Variants in RFC1 observed in about 807,000 individuals in gnomAD.
The protein encoded by RFC1 is A1 140 kDa subunit.
Under a neutral mutation model 137.4 loss-of-function variants are expected in RFC1, and 37 were observed. The observed-to-expected ratio is 0.27, with a 90% CI of 0.21 to 0.35. The LOEUF (loss-of-function observed/expected upper bound fraction) is 0.35. Ranked by LOEUF, RFC1 falls within the 10% of genes least tolerant of loss-of-function variation. The probability of loss-of-function intolerance (pLI) is 1.00; values close to 1 mark genes in which losing one functional copy is unlikely to be tolerated. For missense variants in RFC1, 1,205 were observed against 1,358.5 expected, an observed-to-expected ratio of 0.89 and a Z score of 1.78; for synonymous variants, 429 against 455.7, an observed-to-expected ratio of 0.94 and a Z score of 0.75.
At chr4:39,360,544 TA>T (rs758741316) in intron 1 of RFC1, among the ~76,000 whole-genome samples, 20 of 145,526 alleles carry the variant, frequency 1.4e-4, no homozygotes, top group Non-Finnish European at 2.9e-4. Flanking sequence ...TAAAATAAAA[TA>T]AAATAAAATA....
At chr4:39,359,979 T>C (rs912173417) in intron 1 of RFC1, among the ~76,000 whole-genome samples, 1 of 151,968 alleles carries the variant, frequency 6.6e-6, no homozygotes, top group African/African-American at 2.4e-5. Flanking sequence ...AACTTACTCA[T>C]GTAACCAAAT....
chr4:39,351,969 A>G (rs1303497656), intron 1 of RFC1, among the ~76,000 whole-genome samples: 1 of 150,664 alleles, frequency 6.6e-6, no homozygotes, highest in Non-Finnish European at 1.5e-5. Flanking sequence ...TCCGTCTCAA[A>G]AAAAAAAAAA....
intron 2 of RFC1, among the ~76,000 whole-genome samples, chr4:39,348,512 G>A (rs1560620319): frequency 6.9e-6 from 1 of 145,690 alleles, no homozygotes; most frequent in Non-Finnish European, 1.5e-5. Flanking sequence ...TAGCAACGGT[G>A]TAGCTGGAGT....
chr4:39,331,153 T>A (rs1389162671), intron 4 of RFC1, among the ~76,000 whole-genome samples: 1 of 152,208 alleles, frequency 6.6e-6, no homozygotes, highest in Non-Finnish European at 1.5e-5. Context: ...CAAATTTTTT[T>A]AATACTTGAC....
chr4:39,288,743 C>T lies in RFC1; in HGVS notation c.*18G>A, dbSNP rs1737504344. The stretch of plus-strand genomic sequence containing the variant: ...AGGAGGGAGAGTAAAAAGTGGCTGT[C>T]GCTAGTGAAAAATGGTTTCATTTCT... On this transcript the variant is annotated 3_prime_UTR_variant, in exon 25 of 25. Transcript: ENST00000349703. 6.5e-7 allele frequency: 1 copy of T among 1,540,844 alleles called. No homozygotes were observed. The highest frequency in any genetic ancestry group is 2.2e-5 in the East Asian group (1 of 44,502).
At chr4:39,303,397 T>G (rs1477399552) in intron 15 of RFC1, among the ~76,000 whole-genome samples, 1 of 152,072 alleles carries the variant, frequency 6.6e-6, no homozygotes, top group East Asian at 1.9e-4. Flanking sequence ...CAACAGTCTC[T>G]TATATGTCCT....
intron 22 of RFC1, among the ~76,000 whole-genome samples, chr4:39,292,610 T>C (rs1434242079): frequency 6.9e-6 from 1 of 145,758 alleles, no homozygotes; most frequent in African/African-American, 2.5e-5. Context: ...CATTTATATG[T>C]ATACATTATT....
rs761451255 is a variant in RFC1 at position 39,300,301 on chromosome 4, G to A, written c.2649C>T (p.Phe883=). The A allele has an allele frequency of 5.6e-6, 9 of 1,614,116 alleles. No individual in the cohort carries two copies. The highest frequency in any genetic ancestry group is 1.1e-5 in the South Asian group (1 of 91,088). Reference sequence around the variant, plus strand: ...TCACGTGTATGTAATTTTCCTGGACGAAGAGGGGTGCTATTGAATAATCAT... The same window carrying A: ...TCACGTGTATGTAATTTTCCTGGACAAAGAGGGGTGCTATTGAATAATCAT... ...FFHDYSIAPL[F]VQENYIHVKP... Residue 883 remains phenylalanine, a synonymous_variant, in exon 20 of 25, where the codon TTC becomes TTT. Transcript: ENST00000349703.
chr4:39,288,855 G>A lies in RFC1; in HGVS notation c.3361-11C>T, dbSNP rs779363679. On this transcript the variant is annotated splice_polypyrimidine_tract_variant and intron_variant, in intron 24 of 24. Transcript: ENST00000349703. ...AGATTTTGTCTTTTTCTGTTAGGGG[G>A]AAGATAACAAAATAGTTAATAGCTG... 1.3e-6 allele frequency: 2 copies of A among 1,543,634 alleles called. No homozygotes were observed. The highest frequency in any genetic ancestry group is 2.2e-5 in the East Asian group (1 of 44,506).
intron 3 of RFC1, among the ~76,000 whole-genome samples, chr4:39,344,691 G>A (rs575800685): frequency 9.2e-5 from 14 of 152,148 alleles, no homozygotes; most frequent in African/African-American, 3.4e-4. Flanking sequence ...TGGCCAAAGC[G>A]CAAGAATCGC....
chr4:39,317,258 T>C (rs1327062240), intron 9 of RFC1, among the ~76,000 whole-genome samples: 1 of 152,142 alleles, frequency 6.6e-6, no homozygotes, highest in Non-Finnish European at 1.5e-5. Flanking sequence ...TCAGGGCAGA[T>C]TATGGGAATA....
chr4:39,340,208 A>G (rs905598368), intron 4 of RFC1, among the ~76,000 whole-genome samples: 1 of 152,196 alleles, frequency 6.6e-6, no homozygotes, highest in Non-Finnish European at 1.5e-5. Context: ...CAATAGAACC[A>G]AAGGTTGTTT....
intron 21 of RFC1, among the ~76,000 whole-genome samples, chr4:39,298,607 G>A (rs1738163190): frequency 6.6e-6 from 1 of 152,120 alleles, no homozygotes; most frequent in Non-Finnish European, 1.5e-5. Context: ...GAATGCATCA[G>A]AGACATGGCT....
At chr4:39,294,906 A>G (rs566428192) in intron 22 of RFC1, among the ~76,000 whole-genome samples, 162 of 152,226 alleles carry the variant, frequency 1.1e-3, no homozygotes, top group African/African-American at 3.7e-3. Flanking sequence ...CAGGAGGCTG[A>G]GGTGGGAGAA....
At chr4:39,290,921 A>G (rs1737642256) in intron 23 of RFC1, among the ~76,000 whole-genome samples, 1 of 152,192 alleles carries the variant, frequency 6.6e-6, no homozygotes, top group South Asian at 2.1e-4. Context: ...ACTTCAAAAT[A>G]CTAAGTAACT....
In RFC1 at chr4:39,348,433, A is replaced by ACAGGACAGGACAG. The variant is rs1560619890; in HGVS notation, c.132+2914_132+2915insCTGTCCTGTCCTG. Among the ~76,000 whole-genome samples the ACAGGACAGGACAG allele has an allele frequency of 5.9e-5, 5 of 84,956 alleles. No homozygotes were observed. The East Asian group carries it at 1.6e-3, about 28-fold the overall frequency. 55.7% of individuals were successfully genotyped at this position (84,956 alleles called of 152,430 possible). ...GCAAGACTCTGTTTCAAAAAAGAAA[A>ACAGGACAGGACAG]GAAAAGAAAAGAAAAGAAAAGAAAA... On this transcript the variant is annotated intron_variant, in intron 2 of 24. Transcript: ENST00000349703.
In RFC1 at chr4:39,289,958, G is replaced by A. The variant is rs746091232; in HGVS notation, c.3250C>T (p.His1084Tyr). Reference sequence around the variant, plus strand: ...GAATCCAGGGATGGGCTTGTGCTGTGTCTAGATGCCTTTATAGCTTGAAGT... The same window carrying A: ...GAATCCAGGGATGGGCTTGTGCTGTATCTAGATGCCTTTATAGCTTGAAGT... ...YSLQAIKASR[H>Y]STSPSLDSEY... Residue 1084 changes from histidine (H) to tyrosine (Y), a missense_variant, in exon 24 of 25, where the codon CAC (histidine) becomes TAC (tyrosine). By Grantham distance (83) the His-to-Tyr change is moderately conservative. Around this residue, in one of 3 missense-constraint regions of RFC1, gnomAD observed 237 missense variants for 304.2 expected, o/e 0.78. Transcript: ENST00000349703. The A allele has an allele frequency of 3.7e-6, 6 of 1,613,082 alleles. No individual in the cohort carries two copies. The South Asian group carries it at 6.6e-5, about 18-fold the overall frequency.
rs1350708315 is a variant in RFC1 at position 39,303,118 on chromosome 4, G to A, written c.2144C>T (p.Ala715Val). The change falls in exon 16 of 25, where the codon GCT becomes GTT. Residue 715 changes from alanine (A) to valine (V), a missense_variant. Physicochemically the swap from Ala to Val is moderately conservative, Grantham distance 64. Transcript: ENST00000349703. ...GCCATCTACTTCATCCATGATGAGA[G>A]CATGTTTCGTGCTTACTGAAGAGGC... is the stretch of plus-strand genomic sequence containing the variant. ...GAASSVSTKHALIMDEVDGMA... is the reference protein window; with the variant it reads ...GAASSVSTKHVLIMDEVDGMA... The A allele has an allele frequency of 1.2e-6, 2 of 1,613,854 alleles. No homozygotes were observed. Among genetic ancestry groups the A allele is most frequent in the African/African-American group, 1.3e-5 (1 of 75,006 alleles).
At position 39,300,416 on chromosome 4, in the gene RFC1, T is replaced by C; in HGVS notation, c.2536-2A>G. The C allele has an allele frequency of 1.2e-6, 2 of 1,610,860 alleles. No individual in the cohort carries two copies. Among genetic ancestry groups the C allele is most frequent in the African/African-American group, 1.3e-5 (1 of 74,816 alleles). On this transcript the variant is annotated splice_acceptor_variant, in intron 19 of 24. Transcript: ENST00000349703. LOFTEE classifies it high-confidence loss of function. ...TTTCCGGGCAACATCAAATGGGCCCTGAAAAAAGAGAGGGACACACCTATT... is the reference window on the plus strand; with the variant it reads ...TTTCCGGGCAACATCAAATGGGCCCCGAAAAAAGAGAGGGACACACCTATT...
Sources: gnomAD v4.1 joint callset for allele counts (sites outside exome capture counted in the v4.1 genomes callset) on GRCh38, gnomAD v4.1.1 for gene constraint, gnomAD v4.1.1 regional missense constraint, MANE v1.5 for transcripts, NCBI Gene and HGNC (gene_info 2026-07-23, HGNC 2026-07-21) for gene names.